The following SMIM13 variants were observed in gnomAD, a reference collection of about 807,000 sequenced individuals.
SMIM13 encodes small integral membrane protein 13, also known as UPF0766 protein C6orf228.
In SMIM13, 3 loss-of-function variants were observed where a neutral mutation model predicts 5.9. That is an observed-to-expected ratio of 0.51 (90% confidence interval 0.23 to 1.31). The LOEUF (loss-of-function observed/expected upper bound fraction) is 1.31. Ranked by LOEUF, SMIM13 falls within the 40% of genes most tolerant of loss-of-function variation. The probability of loss-of-function intolerance (pLI) is 0.18; values close to 1 mark genes in which losing one functional copy is unlikely to be tolerated. For missense variants in SMIM13, 85 were observed against 109.9 expected (o/e 0.77, Z 1.01); for synonymous variants, 55 against 46.0 (o/e 1.19, Z -0.79).
At chr6:11,113,476 A>G (rs904982699) in intron 1 of SMIM13, among the ~76,000 whole-genome samples, 1 of 152,114 alleles carries the variant, frequency 6.6e-6, no homozygotes, top group African/African-American at 2.4e-5. Flanking sequence ...TGTTACTTTT[A>G]TCAAGTTGTA....
In SMIM13 at chr6:11,110,499, G is replaced by C. The variant is rs1758151143; in HGVS notation, c.76+16110G>C. 2.0e-5 allele frequency among the ~76,000 whole-genome samples: 3 copies of C among 152,120 alleles called. No individual in the cohort carries two copies. The South Asian group carries it at 6.2e-4, about 32-fold the overall frequency. ...TGTTTTTCTGCCAATTGCTGCAAGGGGGCTGGACTTCTCTCCCTTCAAATA... is the reference window on the plus strand; with the variant it reads ...TGTTTTTCTGCCAATTGCTGCAAGGCGGCTGGACTTCTCTCCCTTCAAATA... On this transcript the variant is annotated intron_variant, in intron 1 of 1. Coordinates refer to ENST00000416247, the MANE Select transcript of SMIM13 (RefSeq NM_001135575.2).
chr6:11,094,458 T>C (rs1757896628), intron 1 of SMIM13, 69 bp downstream of exon 1: 6 of 1,279,888 alleles, frequency 4.7e-6, no homozygotes, highest in Non-Finnish European at 6.4e-6. Context: ...GTTTTTTTTG[T>C]TGTTTGTTTT....
chr6:11,106,294 G>A (rs1031040518), intron 1 of SMIM13, among the ~76,000 whole-genome samples: 4 of 152,234 alleles, frequency 2.6e-5, no homozygotes, highest in Non-Finnish European at 4.4e-5. Flanking sequence ...CCTGTGGTAT[G>A]CAGGGAGCTG....
chr6:11,126,183 G>A (rs753170780), intron 1 of SMIM13, among the ~76,000 whole-genome samples: 3 of 152,152 alleles, frequency 2.0e-5, no homozygotes, highest in Non-Finnish European at 2.9e-5. Flanking sequence ...CCGAGTATCT[G>A]GGACTACAGG....
At chr6:11,131,721 T>C (rs938397079) in intron 1 of SMIM13, among the ~76,000 whole-genome samples, 4 of 152,180 alleles carry the variant, frequency 2.6e-5, no homozygotes, top group African/African-American at 9.7e-5. Context: ...ACAGCTTGAT[T>C]TCCTCATGCA....
At chr6:11,125,500 G>A (rs1581920071) in intron 1 of SMIM13, among the ~76,000 whole-genome samples, 1 of 152,150 alleles carries the variant, frequency 6.6e-6, no homozygotes, top group Non-Finnish European at 1.5e-5. Flanking sequence ...GGAGTCTGAG[G>A]CAGGAGAATT....
chr6:11,134,570 C>T lies in SMIM13; in HGVS notation c.244C>T (p.Pro82Ser), dbSNP rs1394985828. 2 of 1,548,730 alleles carry T rather than the reference C, an allele frequency of 1.3e-6. No individual in the cohort carries two copies. The highest frequency in any genetic ancestry group is 1.7e-6 in the Non-Finnish European group (2 of 1,145,422). The change falls in exon 2 of 2, where the codon CCT becomes TCT. Residue 82 changes from proline (P) to serine (S), a missense_variant. Pro to Ser is a moderately conservative substitution (Grantham distance 74). Coordinates refer to ENST00000416247, the MANE Select transcript of SMIM13 (RefSeq NM_001135575.2). ...RIRSARQRRA[P>S]ADEGHRPLT ...CAGATCCGCTCGCCAAAGGAGGGCA[C>T]CTGCTGATGAAGGCCACAGACCCCT...
rs115082527 is a variant in SMIM13 at position 11,110,827 on chromosome 6, C to T, written c.76+16438C>T. Reference sequence around the variant, plus strand: ...GGTGTTTGGGATAAGACCCTGCAAACGGCAGAGAATTTTCCTTCCCCACAA... The same window carrying T: ...GGTGTTTGGGATAAGACCCTGCAAATGGCAGAGAATTTTCCTTCCCCACAA... On this transcript the variant is annotated intron_variant, in intron 1 of 1. Coordinates refer to ENST00000416247, the MANE Select transcript of SMIM13 (RefSeq NM_001135575.2). 6.2e-3 allele frequency among the ~76,000 whole-genome samples: 937 copies of T among 152,248 alleles called. 6 individuals carry two copies. The highest frequency in any genetic ancestry group is 0.021 in the African/African-American group (873 of 41,528).
chr6:11,121,178 G>A (rs1372417660), intron 1 of SMIM13, among the ~76,000 whole-genome samples: 1 of 152,140 alleles, frequency 6.6e-6, no homozygotes, highest in Non-Finnish European at 1.5e-5. Context: ...CTGAAAAACT[G>A]CAAAACCCAT....
intron 1 of SMIM13, among the ~76,000 whole-genome samples, chr6:11,116,471 G>C (rs1238409645): frequency 6.6e-6 from 1 of 152,196 alleles, no homozygotes; most frequent in Non-Finnish European, 1.5e-5. Flanking sequence ...ATGTTTGGTA[G>C]AATTCATCTG....
intron 1 of SMIM13, chr6:11,104,033 T>C (rs1758042379): frequency 6.4e-7 from 1 of 1,551,636 alleles, no homozygotes; most frequent in Admixed American, 2.0e-5. Context: ...TTCCTCCCTG[T>C]GCTGCCGTTA....
chr6:11,115,115 G>A (rs6456869), intron 1 of SMIM13, among the ~76,000 whole-genome samples: 28,848 of 151,996 alleles, frequency 0.19, 3,110 homozygotes, highest in African/African-American at 0.29. Flanking sequence ...TTTTGTCATC[G>A]TGTTAATGCA....
intron 1 of SMIM13, among the ~76,000 whole-genome samples, chr6:11,097,900 T>C (rs1757945542): frequency 6.6e-6 from 1 of 152,092 alleles, no homozygotes; most frequent in African/African-American, 2.4e-5. Context: ...TTCTTTTTTT[T>C]TAAAAAAGAA....
intron 1 of SMIM13, among the ~76,000 whole-genome samples, chr6:11,107,689 G>C (rs1019834931): frequency 3.9e-5 from 6 of 152,244 alleles, no homozygotes; most frequent in Non-Finnish European, 8.8e-5. Context: ...TTACATATGA[G>C]TTGGGGATCA....
intron 1 of SMIM13, among the ~76,000 whole-genome samples, chr6:11,119,346 A>C (rs1219221137): frequency 6.6e-6 from 1 of 152,066 alleles, no homozygotes; most frequent in African/African-American, 2.4e-5. Flanking sequence ...GGAAAGGTGG[A>C]AAGTATGGAT....
chr6:11,108,707 T>C (rs1184628893), intron 1 of SMIM13, among the ~76,000 whole-genome samples: 1 of 152,186 alleles, frequency 6.6e-6, no homozygotes, highest in Non-Finnish European at 1.5e-5. Flanking sequence ...GTTTTGGTTG[T>C]AAAAGACCAA....
chr6:11,119,103 A>G (rs369355750), intron 1 of SMIM13, among the ~76,000 whole-genome samples: 1 of 152,232 alleles, frequency 6.6e-6, no homozygotes, highest in Non-Finnish European at 1.5e-5. Flanking sequence ...GTTTATTAAA[A>G]TAGAATCTAT....
chr6:11,108,729 T>G (rs1010758365), intron 1 of SMIM13, among the ~76,000 whole-genome samples: 2 of 152,202 alleles, frequency 1.3e-5, no homozygotes, highest in African/African-American at 4.8e-5. Context: ...GAACCTACTT[T>G]GCAGATGTCA....
chr6:11,134,358 A>G (rs1444983174), intron 1 of SMIM13, 45 bp from the exon 2 acceptor site: 2 of 1,418,132 alleles, frequency 1.4e-6, no homozygotes, highest in Non-Finnish European at 1.9e-6. Flanking sequence ...AATTGATAAC[A>G]TTGTGTGTAA....
Sources: allele counts gnomAD v4.1 joint callset (sites outside exome capture counted in the v4.1 genomes callset), GRCh38; gene constraint gnomAD v4.1.1; transcripts MANE v1.5; gene names NCBI Gene and HGNC (gene_info 2026-07-23, HGNC 2026-07-21).